Variants in MMP8 observed in about 807,000 individuals in gnomAD.
The protein encoded by MMP8 is matrix metallopeptidase 8, also known as neutrophil collagenase.
MMP8 carries 67 observed loss-of-function variants against 51.2 expected under a neutral mutation model. That is an observed-to-expected ratio of 1.31 (90% confidence interval 1.08 to 1.60). The LOEUF is 1.60. Among genes scored for constraint, MMP8 ranks in the 40% most tolerant of loss-of-function variants. The pLI, the probability that MMP8 is intolerant of heterozygous loss-of-function variation, is 0.00. For synonymous variants in MMP8, 225 were observed against 191.0 expected (o/e 1.18, Z -1.47); for missense variants, 654 against 558.1 (o/e 1.17, Z -1.73).
rs769815385 is a variant in MMP8, at chr11:102,713,349, C to G, written c.1403G>C (p.Ter468SerextTer34). The G allele has an allele frequency of 7.6e-5, 122 of 1,606,670 alleles. No homozygotes were observed. The Admixed American group carries it at 2.0e-3, about 27-fold the overall frequency. The change falls in exon 10 of 10, where the codon TGA (stop) becomes TCA (serine). Residue 468 changes from the stop codon to serine, a stop_lost. Transcript: ENST00000236826. ...GATACAGCCACATTTGATTTTGCTTCAGCCATATCTACAGTTAAGCCATTT... is the reference window on the plus strand; with the variant it reads ...GATACAGCCACATTTGATTTTGCTTGAGCCATATCTACAGTTAAGCCATTT... ...GNKWLNCRYG[*>S]
chr11:102,714,558 C>T lies in MMP8; in HGVS notation c.1188G>A (p.Trp396Ter), dbSNP rs756531800. ...ATTGAAAAAATAGTTTACGTTACCTCCAGAATTGGTCATTTACAAAGAAGT... is the reference window on the plus strand; with the variant it reads ...ATTGAAAAAATAGTTTACGTTACCTTCAGAATTGGTCATTTACAAAGAAGT... ...KTYFFVNDQFWRYDNQRQFME... is the reference protein window; with the variant it reads ...KTYFFVNDQF Residue 396 changes from tryptophan (W) to a stop codon, truncating the protein, a stop_gained and splice_region_variant, in exon 8 of 10, where the codon TGG (tryptophan) becomes TGA (stop). Transcript: ENST00000236826. LOFTEE classifies it high-confidence loss of function. 12 of 1,461,468 alleles carry T rather than the reference C, an allele frequency of 8.2e-6. No homozygotes were observed. The South Asian group carries it at 1.8e-4, about 22-fold the overall frequency. 90.5% of individuals were successfully genotyped at this position (1,461,468 alleles called of 1,614,324 possible). A position where few individuals can be genotyped will look rare whatever the true frequency, so the allele number is the denominator to read the frequency against.
chr11:102,718,179 A>C (rs1343739499), intron 5 of MMP8, among the ~76,000 whole-genome samples: 1 of 152,134 alleles, frequency 6.6e-6, no homozygotes, highest in Admixed American at 6.6e-5. Context: ...CACCATCCAA[A>C]GACAATAACT....
intron 4 of MMP8, among the ~76,000 whole-genome samples, chr11:102,720,345 T>C (rs1482612994): frequency 6.6e-6 from 1 of 152,202 alleles, no homozygotes; most frequent in Non-Finnish European, 1.5e-5. Flanking sequence ...GTTAGGAATC[T>C]AGATCATTCG....
chr11:102,720,320 G>C (rs1861430921), intron 4 of MMP8, among the ~76,000 whole-genome samples: 1 of 152,192 alleles, frequency 6.6e-6, no homozygotes. Flanking sequence ...GCACATACTG[G>C]AGATGGAGAG....
intron 8 of MMP8, among the ~76,000 whole-genome samples, 159 bp downstream of exon 8, chr11:102,714,397 C>A (rs1271292221): frequency 6.6e-6 from 1 of 151,870 alleles, no homozygotes; most frequent in East Asian, 1.9e-4. Flanking sequence ...ATTTCAAAAG[C>A]CATGGTAACA....
chr11:102,720,217 T>C (rs1408678348), intron 4 of MMP8, among the ~76,000 whole-genome samples: 1 of 152,196 alleles, frequency 6.6e-6, no homozygotes, highest in East Asian at 1.9e-4. Context: ...GCAGAATGTG[T>C]AAACATTGAA....
At chr11:102,714,988 CTT>C (rs1267928203) in intron 7 of MMP8, among the ~76,000 whole-genome samples, 1 of 151,922 alleles carries the variant, frequency 6.6e-6, no homozygotes, top group African/African-American at 2.4e-5. Flanking sequence ...GTTTGTGTGA[CTT>C]TTATGCAGAA....
In MMP8 at chr11:102,724,896, G is replaced by A; in HGVS notation, c.-41C>T. 1.3e-6 allele frequency: 2 copies of A among 1,585,688 alleles called. No homozygotes were observed. Among genetic ancestry groups the A allele is most frequent in the Non-Finnish European group, 1.7e-6 (2 of 1,163,634 alleles). On this transcript the variant is annotated 5_prime_UTR_variant, in exon 1 of 10. Transcript: ENST00000236826. ...CTCTACCCCTCCTGGCTTTCTTTCT[G>A]TCCCTCTGGGTAGGGCCCTTCCCTG...
intron 4 of MMP8, among the ~76,000 whole-genome samples, chr11:102,719,726 T>C (rs1278634860): frequency 2.0e-5 from 3 of 152,232 alleles, no homozygotes; most frequent in Non-Finnish European, 2.9e-5. Context: ...CAGAAAAATA[T>C]CTTTGAATGC....
intron 1 of MMP8, chr11:102,722,916 C>G (rs1591683628): frequency 1.8e-6 from 2 of 1,103,316 alleles, no homozygotes; most frequent in South Asian, 2.7e-5. Context: ...GGATGAGGAT[C>G]ACATCACACA....
At chr11:102,717,027 T>C (rs1043011279) in intron 5 of MMP8, among the ~76,000 whole-genome samples, 1 of 152,176 alleles carries the variant, frequency 6.6e-6, no homozygotes. Flanking sequence ...TTCTGAAATA[T>C]CTGCAATCAC....
Position 102,716,336 on chromosome 11 carries a change from T to C in MMP8, c.868A>G (p.Thr290Ala). The C allele has an allele frequency of 1.2e-6, 2 of 1,600,062 alleles. No homozygotes were observed. The highest frequency in any genetic ancestry group is 2.3e-5 in the East Asian group (1 of 44,256). The change falls in exon 6 of 10, where the codon ACA becomes GCA. Residue 290 changes from threonine (T) to alanine (A), a missense_variant. Transcript: ENST00000236826. ...DPSLTFDAIT[T>A]LRGEILFFKD... ...AAGAAAAGTATTTCTCCACGGAGTG[T>C]GGTGATAGCATCAAATGTCAAACTG...
intron 4 of MMP8, among the ~76,000 whole-genome samples, chr11:102,719,244 G>T (rs1861399676): frequency 6.6e-6 from 1 of 152,104 alleles, no homozygotes; most frequent in Non-Finnish European, 1.5e-5. Context: ...ATCAAATAAA[G>T]CCCAACCTCT....
At chr11:102,714,734 T>C (rs747603485) in intron 7 of MMP8, 25 bp from the exon 8 acceptor site, 2 of 1,376,862 alleles carry the variant, frequency 1.5e-6, no homozygotes, top group Non-Finnish European at 1.9e-6. Flanking sequence ...GGTTAAGTGT[T>C]AAATACGACT....
intron 1 of MMP8, 75 bp downstream of exon 1, chr11:102,724,679 T>C: frequency 7.7e-7 from 1 of 1,302,846 alleles, no homozygotes; most frequent in Middle Eastern, 2.0e-4. Context: ...CTGTTTTAAT[T>C]AACAAGAGAA....
At chr11:102,718,813 A>G (rs1445011743) in intron 4 of MMP8, among the ~76,000 whole-genome samples, 2 of 152,188 alleles carry the variant, frequency 1.3e-5, no homozygotes, top group African/African-American at 2.4e-5. Context: ...AGAACCCAGA[A>G]AAGCTGCATT....
chr11:102,717,639 C>G lies in MMP8; in HGVS notation c.784+775G>C, dbSNP rs557151508. On this transcript the variant is annotated intron_variant, in intron 5 of 9. Transcript: ENST00000236826. The stretch of plus-strand genomic sequence containing the variant: ...CCACATTTTATCTGTATAGTCTTCT[C>G]CTAATAGACTCCCAGGTGTCTTCCA... Among the ~76,000 whole-genome samples, 6 of 152,212 alleles carry G rather than the reference C, an allele frequency of 3.9e-5. No individual in the cohort carries two copies. The East Asian group carries it at 1.2e-3, about 29-fold the overall frequency.
Position 102,721,676 on chromosome 11 carries a change from G to C in MMP8, c.434C>G (p.Pro145Arg). The change falls in exon 3 of 10, where the codon CCT (proline) becomes CGT (arginine). Residue 145 changes from proline to arginine, a missense_variant. By Grantham distance (103) the Pro-to-Arg change is moderately radical. Coordinates refer to ENST00000236826, the MANE Select transcript of MMP8 (RefSeq NM_002424.3). ...DAFELWSVAS[P>R]LIFTRISQGE... ...CTGTGAGATCCTGGTGAAGATGAGA[G>C]GTGATGCAACACTCCAGAGTTCAAA... 1 of 1,613,864 alleles carries C rather than the reference G, an allele frequency of 6.2e-7. No homozygotes were observed. Among genetic ancestry groups the C allele is most frequent in the Non-Finnish European group, 8.5e-7 (1 of 1,179,862 alleles).
At position 102,718,758 on chromosome 11, in the gene MMP8, G is replaced by C. The variant is rs35301902; in HGVS notation, c.623-183C>G. 2.6e-4 allele frequency among the ~76,000 whole-genome samples: 40 copies of C among 152,266 alleles called. No homozygotes were observed. In the East Asian group the frequency reaches 7.5e-3, roughly 29 times the overall value. On this transcript the variant is annotated intron_variant, in intron 4 of 9. Transcript: ENST00000236826. Reference sequence around the variant, plus strand: ...GACATTGAGAAGAATCAAGATAGTGGTCATAGATGGCGACTAGGTGAGTAT... The same window carrying C: ...GACATTGAGAAGAATCAAGATAGTGCTCATAGATGGCGACTAGGTGAGTAT...
Sources: gnomAD v4.1 joint callset for allele counts (sites outside exome capture counted in the v4.1 genomes callset) on GRCh38, gnomAD v4.1.1 for gene constraint, MANE v1.5 for transcripts, NCBI Gene and HGNC (gene_info 2026-07-23, HGNC 2026-07-21) for gene names.